The following NAT2 variants were observed in gnomAD, a reference collection of about 807,000 sequenced individuals.
NAT2 encodes the protein N-acetyltransferase 2, also known as arylamine N-acetyltransferase 2.
For missense variants in NAT2, 428 were observed against 339.1 expected (o/e 1.26, Z -2.06); for synonymous variants, 137 against 125.9 (o/e 1.09, Z -0.59).
At chr8:18,394,396 C>T (rs536200141) in intron 1 of NAT2, among the ~76,000 whole-genome samples, 1 of 152,140 alleles carries the variant, frequency 6.6e-6, no homozygotes, top group Non-Finnish European at 1.5e-5. Flanking sequence ...TGTTACTATA[C>T]TTGGTCTGAT....
chr8:18,386,540 G>T (rs1800508987), upstream of NAT2, among the ~76,000 whole-genome samples: 1 of 152,190 alleles, frequency 6.6e-6, no homozygotes, highest in South Asian at 2.1e-4. Context: ...GCCTGGATGG[G>T]CTCCAGCTTC....
Position 18,400,936 on chromosome 8 carries a change from T to C in NAT2, c.*60T>C, listed in dbSNP as rs1353443941. The stretch of plus-strand genomic sequence containing the variant: ...ACCCAACTCACTAATTATCAACTTA[T>C]GTGCTATCAGATATCCTCTCTACCC... On this transcript the variant is annotated 3_prime_UTR_variant, in exon 2 of 2. Transcript: ENST00000286479. 6.8e-6 allele frequency: 9 copies of C among 1,322,014 alleles called. No homozygotes were observed. Among genetic ancestry groups the C allele is most frequent in the Middle Eastern group, 2.4e-4 (1 of 4,252 alleles). The allele number at this position is 1,322,014 out of a possible 1,614,324, so 81.9% of individuals were successfully genotyped here. A position where few individuals can be genotyped will look rare whatever the true frequency, so the allele number is the denominator to read the frequency against.
chr8:18,394,994 A>C (rs1009001549), intron 1 of NAT2, among the ~76,000 whole-genome samples: 1 of 152,214 alleles, frequency 6.6e-6, no homozygotes, highest in Admixed American at 6.5e-5. Context: ...GTAAATGTCT[A>C]AAAAGAAAAA....
chr8:18,398,564 G>A (rs2117619485), intron 1 of NAT2, among the ~76,000 whole-genome samples: 1 of 152,202 alleles, frequency 6.6e-6, no homozygotes, highest in Middle Eastern at 3.4e-3. Context: ...TTTTACCTTG[G>A]GGCACTGTCT....
At chr8:18,397,220 GA>G (rs1800707920) in intron 1 of NAT2, among the ~76,000 whole-genome samples, 1 of 151,676 alleles carries the variant, frequency 6.6e-6, no homozygotes, top group South Asian at 2.1e-4. Flanking sequence ...TGTTTTTGAT[GA>G]AAAAAGAAAA....
Position 18,400,593 on chromosome 8 carries a change from G to C in NAT2, c.590G>C (p.Arg197Pro), listed in dbSNP as rs1799930. 1 of 1,612,538 alleles carries C rather than the reference G, an allele frequency of 6.2e-7. No individual in the cohort carries two copies. The highest frequency in any genetic ancestry group is 8.5e-7 in the Non-Finnish European group (1 of 1,179,608). The change falls in exon 2 of 2, where the codon CGA becomes CCA. Residue 197 changes from arginine to proline, a missense_variant. Arg to Pro is a moderately radical substitution (Grantham distance 103). Coordinates refer to ENST00000286479, the MANE Select transcript of NAT2 (RefSeq NM_000015.3). ...QKIYLFTLEP[R>P]TIEDFESMNT... ...ATATACTTATTTACGCTTGAACCTC[G>C]AACAATTGAAGATTTTGAGTCTATG...
intron 1 of NAT2, among the ~76,000 whole-genome samples, chr8:18,394,967 C>T (rs1166927323): frequency 6.6e-6 from 1 of 152,006 alleles, no homozygotes; most frequent in African/African-American, 2.4e-5. Context: ...GTATACTTTA[C>T]ACAAATATTA....
At chr8:18,394,466 G>T (rs1445712832) in intron 1 of NAT2, among the ~76,000 whole-genome samples, 1 of 152,106 alleles carries the variant, frequency 6.6e-6, no homozygotes, top group African/African-American at 2.4e-5. Context: ...TTTAAAAAAT[G>T]GCTTTGCTGG....
chr8:18,399,348 A>G (rs1244196471), intron 1 of NAT2, among the ~76,000 whole-genome samples: 2 of 152,078 alleles, frequency 1.3e-5, no homozygotes, highest in Non-Finnish European at 2.9e-5. Context: ...ACTTACCACA[A>G]TCTAACAGAC....
chr8:18,394,013 G>C (rs1254181067), intron 1 of NAT2, among the ~76,000 whole-genome samples: 1 of 151,258 alleles, frequency 6.6e-6, no homozygotes, highest in Non-Finnish European at 1.5e-5. Flanking sequence ...TATTTCACCT[G>C]GGTGCAGGCG....
At chr8:18,391,832 G>A (rs751542936) in intron 1 of NAT2, among the ~76,000 whole-genome samples, 45 of 152,188 alleles carry the variant, frequency 3.0e-4, no homozygotes, top group Admixed American at 7.9e-4. Flanking sequence ...AATCTGAAAA[G>A]AGATATTTAC....
intron 1 of NAT2, among the ~76,000 whole-genome samples, chr8:18,399,596 C>A (rs1037091597): frequency 1.3e-5 from 2 of 152,098 alleles, no homozygotes; most frequent in East Asian, 3.9e-4. Flanking sequence ...ACCATGAATA[C>A]CATATACTCT....
chr8:18,400,416 T>C lies in NAT2; in HGVS notation c.413T>C (p.Ile138Thr). Residue 138 changes from isoleucine to threonine, a missense_variant, in exon 2 of 2, where the codon ATT becomes ACT. Ile to Thr is a moderately conservative substitution (Grantham distance 89). Transcript: ENST00000286479. ...CAGATGTGGCAGCCTCTAGAATTAA[T>C]TTCTGGGAAGGATCAGCCTCAGGTG... ...SSQMWQPLELISGKDQPQVPC... is the reference protein window; with the variant it reads ...SSQMWQPLELTSGKDQPQVPC... 6.2e-7 allele frequency: 1 copy of C among 1,612,252 alleles called. No homozygotes were observed. Among genetic ancestry groups the C allele is most frequent in the Non-Finnish European group, 8.5e-7 (1 of 1,179,492 alleles).
At position 18,391,293 on chromosome 8, in the gene NAT2, G is replaced by A. The variant is rs746396265; in HGVS notation, c.-59G>A. The A allele has an allele frequency of 6.6e-6, 1 of 152,056 alleles. No individual in the cohort carries two copies. The highest frequency in any genetic ancestry group is 1.5e-5 in the Non-Finnish European group (1 of 68,018). 9.4% of individuals were successfully genotyped at this position (152,056 alleles called of 1,614,324 possible). A position where few individuals can be genotyped will look rare whatever the true frequency, so the allele number is the denominator to read the frequency against. On this transcript the variant is annotated 5_prime_UTR_variant, in exon 1 of 2. Transcript: ENST00000286479. ...TTGGAAGGGAGAGCACTTTATTACA[G>A]ACCTTGGAAGCAAGAGGATTGCATT... is the stretch of plus-strand genomic sequence containing the variant.
At chr8:18,387,172 G>T, upstream of NAT2, 1 of 152,408 alleles carries the variant, frequency 6.6e-6, no homozygotes, top group South Asian at 2.0e-4. Context: ...CAGGGAGCGC[G>T]GGGAGCTGGC....
intron 1 of NAT2, among the ~76,000 whole-genome samples, chr8:18,397,366 T>C (rs1800710608): frequency 6.6e-6 from 1 of 152,058 alleles, no homozygotes; most frequent in African/African-American, 2.4e-5. Flanking sequence ...GTTATAGATA[T>C]AAAGATGTAT....
At chr8:18,393,981 C>G (rs1186890751) in intron 1 of NAT2, among the ~76,000 whole-genome samples, 1 of 152,206 alleles carries the variant, frequency 6.6e-6, no homozygotes, top group Non-Finnish European at 1.5e-5. Context: ...CAAACAGACT[C>G]TGTGTGAGCA....
chr8:18,393,955 C>G (rs556488960), intron 1 of NAT2, among the ~76,000 whole-genome samples: 1 of 152,194 alleles, frequency 6.6e-6, no homozygotes, highest in Non-Finnish European at 1.5e-5. Flanking sequence ...CATGCACATC[C>G]GTGTGAAGAG....
intron 1 of NAT2, among the ~76,000 whole-genome samples, chr8:18,396,379 G>GT (rs1179375331): frequency 1.3e-5 from 2 of 151,932 alleles, no homozygotes; most frequent in African/African-American, 4.8e-5. Flanking sequence ...TAAACCTTTA[G>GT]TTTTGTCCAC....
Sources: allele counts gnomAD v4.1 joint callset (sites outside exome capture counted in the v4.1 genomes callset), GRCh38; gene constraint gnomAD v4.1.1; transcripts MANE v1.5; gene names NCBI Gene and HGNC (gene_info 2026-07-23, HGNC 2026-07-21).